OPTN: variants seen among roughly 807,000 people sequenced by gnomAD.
OPTN encodes the protein optineurin.
OPTN carries 54 observed loss-of-function variants against 70.4 expected under a neutral mutation model. The observed-to-expected ratio is 0.77, with a 90% confidence interval of 0.62 to 0.96. OPTN has a LOEUF of 0.96. OPTN is among the 40% of genes least tolerant of loss of function. The pLI is 0.00. For synonymous variants in OPTN, 256 were observed against 248.5 expected (o/e 1.03, Z -0.28); for missense variants, 624 against 673.2 (o/e 0.93, Z 0.81).
chr10:13,111,139 T>C (rs1482915850), intron 4 of OPTN, among the ~76,000 whole-genome samples: 2 of 152,018 alleles, frequency 1.3e-5, no homozygotes, highest in African/African-American at 4.8e-5. Flanking sequence ...CCATGCCAAG[T>C]GTGGGGAGAA....
At chr10:13,131,285 C>T (rs185604388) in intron 12 of OPTN, 6 of 152,256 alleles carry the variant, frequency 3.9e-5, no homozygotes, top group African/African-American at 1.4e-4. Flanking sequence ...TCTCAGAAGC[C>T]GTACACCATC....
At chr10:13,115,374 ATATG>A (rs1251553226) in intron 5 of OPTN, among the ~76,000 whole-genome samples, 1 of 106,436 alleles carries the variant, frequency 9.4e-6, no homozygotes. Flanking sequence ...ATACACTTAT[ATATG>A]TATCTGTTTT....
Position 13,109,270 on chromosome 10 carries a change from G to A in OPTN, c.148G>A (p.Glu50Lys), listed in dbSNP as rs28939688. The A allele has an allele frequency of 3.1e-6, 5 of 1,613,946 alleles. No individual in the cohort carries two copies. Among genetic ancestry groups the A allele is most frequent in the Non-Finnish European group, 4.2e-6 (5 of 1,179,942 alleles). Residue 50 changes from glutamate to lysine, a missense_variant, in exon 3 of 15, where the codon GAG becomes AAG. Glu to Lys is a moderately conservative substitution (Grantham distance 56, BLOSUM62 1). Coordinates refer to ENST00000378747, the MANE Select transcript of OPTN (RefSeq NM_001008212.2). ...LLQQMKELLT[E>K]NHQLKEAMKL... ...GCAGCAGATGAAAGAGCTCCTGACC[G>A]AGAACCACCAGCTGAAAGGTGAGCA... is the stretch of plus-strand genomic sequence containing the variant.
chr10:13,116,394 C>G, intron 6 of OPTN, 54 bp downstream of exon 6: 2 of 1,280,506 alleles, frequency 1.6e-6, no homozygotes, highest in Admixed American at 3.4e-5. Flanking sequence ...AGGCTCGTCA[C>G]TGGGTGCTTG....
In OPTN at chr10:13,114,813, A is replaced by T. The variant is rs1220025826; in HGVS notation, c.553-1454A>T. Among the ~76,000 whole-genome samples the T allele has an allele frequency of 1.6e-3, 12 of 7,318 alleles. 1 individual carries two copies. The highest frequency in any genetic ancestry group is 7.1e-3 in the East Asian group (2 of 282). 4.8% of individuals were successfully genotyped at this position (7,318 alleles called of 152,430 possible). On this transcript the variant is annotated intron_variant, in intron 5 of 14. Transcript: ENST00000378747. Reference sequence around the variant, plus strand: ...ATATAATTATATATACATATATATAATTATATAATTATATAATTATATAAT... The same window carrying T: ...ATATAATTATATATACATATATATATTTATATAATTATATAATTATATAAT...
intron 1 of OPTN, among the ~76,000 whole-genome samples, chr10:13,103,356 G>A (rs1449439670): frequency 2.0e-5 from 3 of 152,140 alleles, no homozygotes; most frequent in African/African-American, 4.8e-5. Context: ...TTGAACCTAC[G>A]AATACTTCAT....
chr10:13,108,040 A>C (rs11258191), intron 1 of OPTN, 98 bp from the exon 2 acceptor site: 1 of 152,262 alleles, frequency 6.6e-6, no homozygotes, highest in African/African-American at 2.4e-5. Context: ...ATTTCAGACC[A>C]TGCAATACCT....
intron 6 of OPTN, among the ~76,000 whole-genome samples, chr10:13,117,304 T>A (rs1253195877): frequency 1.3e-5 from 2 of 151,342 alleles, no homozygotes; most frequent in Non-Finnish European, 2.9e-5. Context: ...ATGGTCTCGA[T>A]CTCCTGACCT....
At position 13,127,811 on chromosome 10, in the gene OPTN, C is replaced by T. The variant is rs2131520722; in HGVS notation, c.1309C>T (p.Leu437=). The T allele has an allele frequency of 6.2e-7, 1 of 1,614,120 alleles. No homozygotes were observed. Reference sequence around the variant, plus strand: ...AAAACTGGAACTGGCAGAGAAGGCTCTGGCTTCCAAACAGCTGCAAATGGA... The same window carrying T: ...AAAACTGGAACTGGCAGAGAAGGCTTTGGCTTCCAAACAGCTGCAAATGGA... ...SEKLELAEKA[L]ASKQLQMDEM... is the part of the protein sequence containing the mutation. Residue 437 remains leucine, a synonymous_variant, in exon 12 of 15, where the codon CTG becomes TTG. Coordinates refer to ENST00000378747, the MANE Select transcript of OPTN (RefSeq NM_001008212.2).
At chr10:13,127,953 T>C in intron 12 of OPTN, 50 bp downstream of exon 12, 1 of 1,590,822 alleles carries the variant, frequency 6.3e-7, no homozygotes, top group Non-Finnish European at 8.6e-7. Flanking sequence ...CCTGACTGTA[T>C]TCTCGCATTG....
Position 13,122,380 on chromosome 10 carries a change from T to C in OPTN, c.780-5T>C. On this transcript the variant is annotated splice_polypyrimidine_tract_variant and splice_region_variant and intron_variant, in intron 7 of 14. Transcript: ENST00000378747. ...GTAACTTTTCTATCTTCTGTGATTT[T>C]CCAGAGTTTCAGATTTTGAAAAGAA... 1 of 1,601,534 alleles carries C rather than the reference T, an allele frequency of 6.2e-7. No homozygotes were observed. Among genetic ancestry groups the C allele is most frequent in the Non-Finnish European group, 8.6e-7 (1 of 1,168,550 alleles).
intron 1 of OPTN, among the ~76,000 whole-genome samples, chr10:13,100,910 C>G (rs1832729898): frequency 1.3e-5 from 2 of 152,300 alleles, no homozygotes; most frequent in Admixed American, 6.5e-5. Flanking sequence ...CCTCCACCAG[C>G]AGGAAAACTG....
At chr10:13,102,875 G>A (rs986298912) in intron 1 of OPTN, among the ~76,000 whole-genome samples, 2 of 152,048 alleles carry the variant, frequency 1.3e-5, no homozygotes, top group Admixed American at 6.5e-5. Context: ...CCTGGGAGGC[G>A]GAGGTTGCAG....
Position 13,109,168 on chromosome 10 carries a change from C to G in OPTN, c.46C>G (p.Pro16Ala), listed in dbSNP as rs758942502. ...CTGCCTCACTGAAAAGGAGGACAGC[C>G]CCAGTGAAAGCACAGGAAATGGACC... ...LSCLTEKEDS[P>A]SESTGNGPPH... is the part of the protein sequence containing the mutation. The change falls in exon 3 of 15, where the codon CCC becomes GCC. Residue 16 changes from proline to alanine, a missense_variant. Pro to Ala is a conservative substitution (Grantham distance 27). Transcript: ENST00000378747. 1.1e-5 allele frequency: 17 copies of G among 1,613,870 alleles called. No homozygotes were observed. In the Middle Eastern group the frequency reaches 1.2e-3, roughly 109 times the overall value.
chr10:13,104,903 C>T lies in OPTN; in HGVS notation c.-163-3235C>T, dbSNP rs146008055. 1,966 of 279,710 alleles carry T rather than the reference C, an allele frequency of 7.0e-3. 18 individuals are homozygous for T. The highest frequency in any genetic ancestry group is 9.7e-3 in the Non-Finnish European group (1,405 of 145,346). The allele number at this position is 279,710 out of a possible 1,614,324, so 17.3% of individuals were successfully genotyped here. A position where few individuals can be genotyped will look rare whatever the true frequency, so the allele number is the denominator to read the frequency against. On this transcript the variant is annotated intron_variant, in intron 1 of 14. Transcript: ENST00000378747. ...CCGACCGCAGGACCGGGAGGCGAGT[C>T]GGCCAGAAAGAGGTGCAGTGGCTGC... is the stretch of plus-strand genomic sequence containing the variant.
At position 13,116,340 on chromosome 10, in the gene OPTN, C is replaced by G. The variant is rs1026407971; in HGVS notation, c.626C>G (p.Thr209Arg). The G allele has an allele frequency of 6.2e-7, 1 of 1,611,336 alleles. No individual in the cohort carries two copies. The highest frequency in any genetic ancestry group is 1.1e-5 in the South Asian group (1 of 91,026). ...PGPTRTVSTG[T>R]ALSKYRSRSA... ...CCCACGAGAACAGTCTCCACTGGCA[C>G]GTATGTGAAGGAAGACTCGGGCTGT... Residue 209 changes from threonine (T) to arginine (R), a missense_variant and splice_region_variant, in exon 6 of 15, where the codon ACG becomes AGG. Coordinates refer to ENST00000378747, the MANE Select transcript of OPTN (RefSeq NM_001008212.2).
chr10:13,106,880 C>G (rs1832876663), intron 1 of OPTN, among the ~76,000 whole-genome samples: 1 of 152,174 alleles, frequency 6.6e-6, no homozygotes, highest in Non-Finnish European at 1.5e-5. Flanking sequence ...TTCTTCACAA[C>G]TCAGGGTTCA....
chr10:13,105,919 A>T (rs368194109), intron 1 of OPTN, among the ~76,000 whole-genome samples: 239 of 152,196 alleles, frequency 1.6e-3, no homozygotes, highest in Non-Finnish European at 2.0e-3. Flanking sequence ...AAAAAAAAAA[A>T]AAAGTTCATT....
intron 12 of OPTN, among the ~76,000 whole-genome samples, chr10:13,128,771 G>T (rs1564367089): frequency 6.6e-6 from 1 of 151,868 alleles, no homozygotes; most frequent in Non-Finnish European, 1.5e-5. Context: ...TCAAACTCCT[G>T]ACCTCAGGTG....
Sources: gnomAD v4.1 joint callset for allele counts (sites outside exome capture counted in the v4.1 genomes callset) on GRCh38, gnomAD v4.1.1 for gene constraint, MANE v1.5 for transcripts, NCBI Gene and HGNC (gene_info 2026-07-23, HGNC 2026-07-21) for gene names.